HMCN1: variants seen among roughly 807,000 people sequenced by gnomAD.
The protein encoded by HMCN1 is hemicentin 1, also known as hemicentin-1.
Under a neutral mutation model 625.9 loss-of-function variants are expected in HMCN1, and 321 were observed. That is an observed-to-expected ratio of 0.51 (90% confidence interval 0.47 to 0.56). The LOEUF is 0.56. Among genes scored for constraint, HMCN1 ranks in the 20% least tolerant of loss-of-function variants. HMCN1 has a pLI of 0.00. For missense variants in HMCN1, 6,588 were observed against 6,887.3 expected (o/e 0.96, Z 1.54); for synonymous variants, 2,425 against 2,417.6 (o/e 1.00, Z -0.09).
At chr1:186,009,408 C>A (rs1293518595) in intron 30 of HMCN1, among the ~76,000 whole-genome samples, 3 of 152,082 alleles carry the variant, frequency 2.0e-5, no homozygotes, top group African/African-American at 7.2e-5. Flanking sequence ...AGTGTCATTT[C>A]CTCTTTAGCA....
intron 101 of HMCN1, among the ~76,000 whole-genome samples, chr1:186,171,656 C>T (rs896529458): frequency 1.3e-5 from 2 of 152,016 alleles, no homozygotes; most frequent in Non-Finnish European, 2.9e-5. Flanking sequence ...TTCTTCATAA[C>T]ATTTCCTCTA....
intron 1 of HMCN1, among the ~76,000 whole-genome samples, chr1:185,841,698 A>G (rs1661487899): frequency 6.6e-6 from 1 of 152,170 alleles, no homozygotes; most frequent in Non-Finnish European, 1.5e-5. Context: ...CATATGGTAG[A>G]TGCTGGCTAT....
chr1:186,189,937 C>G lies in HMCN1; in HGVS notation c.*59C>G, dbSNP rs573291494. 1.7e-4 allele frequency: 271 copies of G among 1,589,414 alleles called. 7 individuals are homozygous for G. The South Asian group carries it at 2.7e-3, about 16-fold the overall frequency. ...CCGCATTAATCATGGCAATCAAGCC[C>G]CCTTCCAGATTACTGTCTCTTGAAC... On this transcript the variant is annotated 3_prime_UTR_variant, in exon 107 of 107. Coordinates refer to ENST00000271588, the MANE Select transcript of HMCN1 (RefSeq NM_031935.3).
In HMCN1 at chr1:185,994,874, G is replaced by A. The variant is rs144865902; in HGVS notation, c.3565G>A (p.Asp1189Asn). The A allele has an allele frequency of 4.3e-5, 69 of 1,613,612 alleles. No individual in the cohort carries two copies. The South Asian group carries it at 6.7e-4, about 16-fold the overall frequency. Reference protein sequence around the residue: ...HLKVQVGQRVDIPCNAQGTPL... With the variant: ...HLKVQVGQRVNIPCNAQGTPL... The stretch of plus-strand genomic sequence containing the variant: ...CAAAGTCCAAGTTGGTCAAAGAGTG[G>A]ATATTCCATGTAATGCTCAAGGGAC... The change falls in exon 24 of 107, where the codon GAT becomes AAT. Residue 1189 changes from aspartate (D) to asparagine (N), a missense_variant. By Grantham distance (23) the Asp-to-Asn change is conservative (BLOSUM62 1). This residue lies in a region of HMCN1 where 4,628 missense variants were observed against 4,853.1 expected (regional missense o/e 0.95). Transcript: ENST00000271588.
intron 82 of HMCN1, among the ~76,000 whole-genome samples, chr1:186,127,025 A>T (rs913339076): frequency 6.6e-6 from 1 of 152,112 alleles, no homozygotes; most frequent in East Asian, 1.9e-4. Context: ...CTCTGCATAT[A>T]CTTTGAAGCT....
rs769944604 is a variant in HMCN1, at chr1:185,970,429, T to C, written c.2307T>C (p.Asp769=). 1 of 1,613,720 alleles carries C rather than the reference T, an allele frequency of 6.2e-7. No homozygotes were observed. The highest frequency in any genetic ancestry group is 1.7e-5 in the Admixed American group (1 of 60,026). ...IQETQDLDAG[D]YTCVAINEAG... is the part of the protein sequence containing the mutation. ...AAACACAAGATCTGGATGCTGGCGA[T>C]TATACCTGTGTAGCCATCAATGAGG... Residue 769 remains aspartate, a synonymous_variant, in exon 15 of 107, where the codon GAT becomes GAC. Transcript: ENST00000271588.
At chr1:186,065,824 A>G (rs1658073359) in intron 49 of HMCN1, among the ~76,000 whole-genome samples, 1 of 152,168 alleles carries the variant, frequency 6.6e-6, no homozygotes, top group Non-Finnish European at 1.5e-5. Context: ...ACTAAGAGTG[A>G]TGAAATACCT....
intron 1 of HMCN1, among the ~76,000 whole-genome samples, chr1:185,758,014 T>TA (rs1310409753): frequency 2.0e-5 from 3 of 152,204 alleles, no homozygotes; most frequent in South Asian, 2.1e-4. Context: ...AAAAATGATT[T>TA]AAAAAATCAC....
In HMCN1 at chr1:185,925,119, T is replaced by C; in HGVS notation, c.1358T>C (p.Val453Ala). The C allele has an allele frequency of 6.2e-7, 1 of 1,613,962 alleles. No individual in the cohort carries two copies. Among genetic ancestry groups the C allele is most frequent in the East Asian group, 2.2e-5 (1 of 44,878 alleles). ...CAGCCGGGCCAAATTCCCTGCTCTG[T>C]TGACAGTCTTTTGCCCTTTACCTTG... is the stretch of plus-strand genomic sequence containing the variant. ...YLQPGQIPCS[V>A]DSLLPFTLSF... Residue 453 changes from valine to alanine, a missense_variant, in exon 9 of 107, where the codon GTT becomes GCT. Physicochemically the swap from Val to Ala is moderately conservative, Grantham distance 64. Around this residue, in one of 3 missense-constraint regions of HMCN1, gnomAD observed 4,628 missense variants for 4,853.1 expected, o/e 0.95. Transcript: ENST00000271588.
chr1:185,837,138 AG>A (rs1256136332), intron 1 of HMCN1, among the ~76,000 whole-genome samples: 9 of 151,806 alleles, frequency 5.9e-5, no homozygotes, highest in Non-Finnish European at 1.3e-4. Flanking sequence ...AATTGTGAAT[AG>A]TGCTGTGATG....
chr1:185,743,067 TCAAA>T (rs1001016568), intron 1 of HMCN1, among the ~76,000 whole-genome samples: 26 of 152,318 alleles, frequency 1.7e-4, no homozygotes, highest in African/African-American at 5.5e-4. Context: ...TTGTTTCTGA[TCAAA>T]CAGACAATAA....
Position 186,144,303 on chromosome 1 carries a change from A to C in HMCN1, c.14055A>C (p.Ala4685=), listed in dbSNP as rs1571413826. The C allele has an allele frequency of 6.2e-7, 1 of 1,614,034 alleles. No individual in the cohort carries two copies. The highest frequency in any genetic ancestry group is 2.2e-5 in the East Asian group (1 of 44,876). The change falls in exon 90 of 107, where the codon GCA becomes GCC. Residue 4685 remains alanine (A), a synonymous_variant. Coordinates refer to ENST00000271588, the MANE Select transcript of HMCN1 (RefSeq NM_031935.3). ...TTGGTGGGTCCTACTGTGATGGAGC[A>C]GAAACACAGATGCAAGTTTGCAATG... The part of the protein sequence containing the change: ...PAFGGSYCDG[A]ETQMQVCNER...
At chr1:186,031,545 T>C (rs775663721) in intron 36 of HMCN1, among the ~76,000 whole-genome samples, 18 of 152,086 alleles carry the variant, frequency 1.2e-4, no homozygotes, top group Non-Finnish European at 2.4e-4. Flanking sequence ...ATATATAGAT[T>C]GATGCTTTTC....
chr1:186,129,967 C>T lies in HMCN1; in HGVS notation c.12906C>T (p.Ala4302=), dbSNP rs144437187. Residue 4302 remains alanine (A), a splice_region_variant and synonymous_variant, in exon 84 of 107, where the codon GCC becomes GCT. Coordinates refer to ENST00000271588, the MANE Select transcript of HMCN1 (RefSeq NM_031935.3). ...TWTFNNNIIP[A]HFDSVNGHSE... is the part of the protein sequence containing the mutation. ...TGTGTTGTTTCTTGTTTCCCTCAGCCCACTTTGACAGTGTGAATGGACACA... is the reference window on the plus strand; with the variant it reads ...TGTGTTGTTTCTTGTTTCCCTCAGCTCACTTTGACAGTGTGAATGGACACA... 2,032 of 1,612,748 alleles carry T rather than the reference C, an allele frequency of 1.3e-3. 29 individuals are homozygous for T. The East Asian group carries it at 0.026, about 21-fold the overall frequency.
chr1:186,173,813 C>G (rs1652389046), intron 102 of HMCN1, among the ~76,000 whole-genome samples: 1 of 151,972 alleles, frequency 6.6e-6, no homozygotes, highest in African/African-American at 2.4e-5. Flanking sequence ...CAGCAAAAAT[C>G]TAGCTAAGTG....
chr1:186,171,555 A>AC, intron 101 of HMCN1, 105 bp downstream of exon 101: 1 of 896,730 alleles, frequency 1.1e-6, no homozygotes, highest in Admixed American at 1.8e-5. Flanking sequence ...CCTATATAGG[A>AC]CATCAAGCAT....
chr1:186,138,843 T>G lies in HMCN1; in HGVS notation c.13924+871T>G, dbSNP rs931037385. Among the ~76,000 whole-genome samples the G allele has an allele frequency of 2.6e-5, 4 of 152,330 alleles. No homozygotes were observed. In the South Asian group the frequency reaches 6.2e-4, roughly 24 times the overall value. ...CATCTTGGGTGAACTGTCTACCTAG[T>G]GTAAAGAGTGTTGAGAAAGAAATCA... is the stretch of plus-strand genomic sequence containing the variant. On this transcript the variant is annotated intron_variant, in intron 89 of 106. Transcript: ENST00000271588.
At chr1:186,103,363 C>A (rs1485121765) in intron 68 of HMCN1, 109 bp from the exon 69 acceptor site, 4 of 868,362 alleles carry the variant, frequency 4.6e-6, no homozygotes, top group Admixed American at 2.0e-5. Flanking sequence ...TTGTTCTAAT[C>A]AATTTTTATC....
chr1:186,153,873 G>C lies in HMCN1; in HGVS notation c.15142G>C (p.Ala5048Pro). The C allele has an allele frequency of 6.2e-7, 1 of 1,614,116 alleles. No individual in the cohort carries two copies. The stretch of plus-strand genomic sequence containing the variant: ...GAACCACACCGTTTTCTATGATCAG[G>C]CACAGGGAAGAATGCCTTTCTTGGT... ...TWNHTVFYDQAQGRMPFLVET... is the reference protein window; with the variant it reads ...TWNHTVFYDQPQGRMPFLVET... Residue 5048 changes from alanine to proline, a missense_variant, in exon 97 of 107, where the codon GCA (alanine) becomes CCA (proline). Physicochemically the swap from Ala to Pro is conservative, Grantham distance 27. Coordinates refer to ENST00000271588, the MANE Select transcript of HMCN1 (RefSeq NM_031935.3).
Sources: allele counts gnomAD v4.1 joint callset (sites outside exome capture counted in the v4.1 genomes callset), GRCh38; gene constraint gnomAD v4.1.1; regional missense constraint gnomAD v4.1.1; transcripts MANE v1.5; gene names NCBI Gene and HGNC (gene_info 2026-07-23, HGNC 2026-07-21).